TANGO6: variants seen among roughly 807,000 people sequenced by gnomAD.
TANGO6 encodes transport and Golgi organization protein 6 homolog.
In TANGO6, 90 loss-of-function variants were observed where a neutral mutation model predicts 114.2. The ratio of observed to expected loss-of-function variants is 0.79; its 90% confidence interval spans 0.66 to 0.94. The LOEUF (loss-of-function observed/expected upper bound fraction) is 0.94. Ranked by LOEUF, TANGO6 falls within the 40% of genes least tolerant of loss-of-function variation. The pLI is 0.00. For synonymous variants in TANGO6, 477 were observed against 509.8 expected, an observed-to-expected ratio of 0.94 and a Z score of 0.87; for missense variants, 1,274 against 1,315.3, an observed-to-expected ratio of 0.97 and a Z score of 0.49.
At chr16:69,013,215 A>G (rs1440657209) in intron 15 of TANGO6, among the ~76,000 whole-genome samples, 2 of 152,004 alleles carry the variant, frequency 1.3e-5, no homozygotes, top group Non-Finnish European at 2.9e-5. Flanking sequence ...GTCATGCTGT[A>G]TACCAGGTTG....
intron 16 of TANGO6, among the ~76,000 whole-genome samples, chr16:69,028,713 A>G (rs1959545285): frequency 6.6e-6 from 1 of 151,862 alleles, no homozygotes; most frequent in Admixed American, 6.6e-5. Flanking sequence ...GTACAATCAC[A>G]CACACTTTTT....
chr16:69,081,809 A>C (rs1960468935), intron 17 of TANGO6, among the ~76,000 whole-genome samples: 2 of 151,680 alleles, frequency 1.3e-5, no homozygotes, highest in South Asian at 4.2e-4. Flanking sequence ...TTGGTCATGA[A>C]AAATGGAAAC....
At chr16:68,898,899 T>G (rs1962744964) in intron 7 of TANGO6, among the ~76,000 whole-genome samples, 2 of 151,868 alleles carry the variant, frequency 1.3e-5, no homozygotes, top group Non-Finnish European at 2.9e-5. Context: ...TTAATTGGAG[T>G]TTTGAATAAC....
At chr16:68,864,097 A>G (rs980489481) in intron 3 of TANGO6, among the ~76,000 whole-genome samples, 1 of 151,930 alleles carries the variant, frequency 6.6e-6, no homozygotes, top group Non-Finnish European at 1.5e-5. Context: ...TCGCTTGAAC[A>G]CAAGAGGCAG....
chr16:69,054,357 T>C (rs1329717888), intron 17 of TANGO6, among the ~76,000 whole-genome samples: 1 of 152,118 alleles, frequency 6.6e-6, no homozygotes, highest in Non-Finnish European at 1.5e-5. Flanking sequence ...GGGGACCTGA[T>C]TGCTACTCAG....
At chr16:68,939,480 A>G (rs536350293) in intron 14 of TANGO6, among the ~76,000 whole-genome samples, 152 of 152,184 alleles carry the variant, frequency 1.0e-3, no homozygotes, top group Non-Finnish European at 1.6e-3. Flanking sequence ...ATTAAACAGA[A>G]AATTGCCAAC....
intron 2 of TANGO6, 149 bp downstream of exon 2, chr16:68,860,673 G>A (rs1962079907): frequency 1.8e-6 from 2 of 1,088,780 alleles, no homozygotes; most frequent in Admixed American, 2.9e-5. Context: ...AATCTTTTGG[G>A]GGTGGGCGCA....
At chr16:69,061,844 C>A (rs951915601) in intron 17 of TANGO6, among the ~76,000 whole-genome samples, 2 of 151,910 alleles carry the variant, frequency 1.3e-5, no homozygotes, top group African/African-American at 2.4e-5. Flanking sequence ...ACGGTGAAAC[C>A]CCATCTCTAC....
intron 14 of TANGO6, among the ~76,000 whole-genome samples, chr16:68,971,436 A>G (rs1963703504): frequency 6.6e-6 from 1 of 151,848 alleles, no homozygotes; most frequent in Non-Finnish European, 1.5e-5. Flanking sequence ...CACCTGGCTA[A>G]TTTTTTTAAA....
At position 68,925,120 on chromosome 16, in the gene TANGO6, C is replaced by T. The variant is rs369146521; in HGVS notation, c.2128-2448C>T. Among the ~76,000 whole-genome samples the T allele has an allele frequency of 5.6e-4, 85 of 151,946 alleles. 1 individual carries two copies. Among genetic ancestry groups the T allele is most frequent in the African/African-American group, 1.8e-3 (73 of 41,444 alleles). The stretch of plus-strand genomic sequence containing the variant: ...GAGGTCAGGAGTTTGAGGCCAGCCC[C>T]GGCAACATGGCAAAACCCTGACTCT... On this transcript the variant is annotated intron_variant, in intron 12 of 17. Transcript: ENST00000261778.
chr16:69,006,030 G>A (rs1341266539), intron 15 of TANGO6, among the ~76,000 whole-genome samples: 1 of 152,222 alleles, frequency 6.6e-6, no homozygotes, highest in Non-Finnish European at 1.5e-5. Context: ...CTTTGAAGCA[G>A]TAAAAACTGA....
intron 17 of TANGO6, among the ~76,000 whole-genome samples, chr16:69,061,036 G>A (rs1766516771): frequency 6.6e-6 from 1 of 151,900 alleles, no homozygotes; most frequent in Non-Finnish European, 1.5e-5. Flanking sequence ...GGGAATTCTG[G>A]GACTTCCAAA....
intron 14 of TANGO6, among the ~76,000 whole-genome samples, chr16:68,965,588 G>A (rs1211001286): frequency 6.6e-6 from 1 of 152,050 alleles, no homozygotes; most frequent in Non-Finnish European, 1.5e-5. Context: ...GGTAACTTGA[G>A]CTCAGGAGTT....
chr16:69,024,795 A>G lies in TANGO6; in HGVS notation c.2994+1816A>G, dbSNP rs147176244. ...TATAAATTATAAATAAGTAAGTGAAATACAGTTTAAATTACCTTTTTTTTT... is the reference window on the plus strand; with the variant it reads ...TATAAATTATAAATAAGTAAGTGAAGTACAGTTTAAATTACCTTTTTTTTT... On this transcript the variant is annotated intron_variant, in intron 16 of 17. Transcript: ENST00000261778. Among the ~76,000 whole-genome samples the G allele has an allele frequency of 4.0e-4, 61 of 152,052 alleles. 1 individual carries two copies. The highest frequency in any genetic ancestry group is 1.4e-3 in the African/African-American group (57 of 41,488).
intron 14 of TANGO6, among the ~76,000 whole-genome samples, chr16:68,959,147 G>C (rs1349906978): frequency 5.3e-5 from 8 of 152,138 alleles, no homozygotes; most frequent in Admixed American, 5.2e-4. Context: ...AGTTCTGTTT[G>C]GTTTCCATGT....
At chr16:69,012,556 CAAAAA>C (rs1175561720) in intron 15 of TANGO6, among the ~76,000 whole-genome samples, 1 of 36,512 alleles carries the variant, frequency 2.7e-5, no homozygotes, top group African/African-American at 1.1e-4. Flanking sequence ...AACTCTGTCT[CAAAAA>C]AAAAAAAAAA....
intron 15 of TANGO6, among the ~76,000 whole-genome samples, chr16:69,006,070 A>G (rs567118838): frequency 6.6e-6 from 1 of 152,336 alleles, no homozygotes; most frequent in Admixed American, 6.5e-5. Context: ...TTTACTGACA[A>G]ATAAGGAAAG....
At chr16:69,073,243 C>T (rs950837465) in intron 17 of TANGO6, among the ~76,000 whole-genome samples, 3 of 152,114 alleles carry the variant, frequency 2.0e-5, no homozygotes, top group African/African-American at 7.2e-5. Flanking sequence ...ACTAAAGTTC[C>T]CCCAAGCCAT....
At chr16:68,902,614 G>C (rs1297687097) in intron 9 of TANGO6, 110 bp downstream of exon 9, 1 of 958,202 alleles carries the variant, frequency 1.0e-6, no homozygotes, top group African/African-American at 1.7e-5. Context: ...AGAAACTCAA[G>C]TGGCTCAGGT....
Sources: allele counts gnomAD v4.1 joint callset (sites outside exome capture counted in the v4.1 genomes callset), GRCh38; gene constraint gnomAD v4.1.1; transcripts MANE v1.5; gene names NCBI Gene and HGNC (gene_info 2026-07-23, HGNC 2026-07-21).